MAF: variants seen among roughly 807,000 people sequenced by gnomAD.
MAF encodes MAF bZIP transcription factor, also known as transcription factor Maf.
A neutral mutation model predicts 22.0 loss-of-function variants in MAF; 10 were observed. That is an observed-to-expected ratio of 0.45 (90% CI 0.28 to 0.77). The LOEUF (loss-of-function observed/expected upper bound fraction) is 0.77. MAF is among the 30% of genes least tolerant of loss of function. The probability of loss-of-function intolerance (pLI) is 0.12; values close to 1 mark genes in which losing one functional copy is unlikely to be tolerated. For synonymous variants in MAF, 337 were observed against 255.8 expected (o/e 1.32, Z -3.03); for missense variants, 544 against 548.4 (o/e 0.99, Z 0.08).
rs1039515515 is a variant in MAF, at chr16:79,599,682, G to A, written c.221C>T (p.Ser74Leu). Residue 74 changes from serine (S) to leucine (L), a missense_variant, in exon 1 of 2, where the codon TCG (serine) becomes TTG (leucine). By Grantham distance (145) the Ser-to-Leu change is moderately radical. Around this residue, in one of 5 missense-constraint regions of MAF, gnomAD observed 342 missense variants for 315.5 expected, o/e 1.08. Coordinates refer to ENST00000326043, the MANE Select transcript of MAF (RefSeq NM_005360.5). Reference sequence around the variant, plus strand: ...GCTGCCCGAGCCCGGGCTGGGCGCCGAGAAGCTGGGGGAAGGGGGCACCGA... The same window carrying A: ...GCTGCCCGAGCCCGGGCTGGGCGCCAAGAAGCTGGGGGAAGGGGGCACCGA... ...CSSVPPSPSFSAPSPGSGSEQ... is the reference protein window; with the variant it reads ...CSSVPPSPSFLAPSPGSGSEQ... 1.2e-6 allele frequency: 2 copies of A among 1,612,210 alleles called. No individual in the cohort carries two copies. The highest frequency in any genetic ancestry group is 1.7e-6 in the Non-Finnish European group (2 of 1,179,646).
the MAF span, among the ~76,000 whole-genome samples, chr16:79,421,410 G>C: frequency 6.6e-6 from 1 of 152,268 alleles, no homozygotes; most frequent in South Asian, 2.1e-4. Context: ...GGCAACCGCT[G>C]ATCTTTTTAC....
chr16:79,538,838 G>A, the MAF span, among the ~76,000 whole-genome samples: 37 of 97,264 alleles, frequency 3.8e-4, no homozygotes, highest in African/African-American at 1.5e-3. Flanking sequence ...AAGAAAGAAG[G>A]AAAGAAAGAA....
At chr16:79,422,844 C>A in the MAF span, among the ~76,000 whole-genome samples, 1 of 152,078 alleles carries the variant, frequency 6.6e-6, no homozygotes, top group South Asian at 2.1e-4. Context: ...GAACACTCAG[C>A]ATATATGGAG....
the MAF span, among the ~76,000 whole-genome samples, chr16:79,243,207 G>C: frequency 0.02 from 3,100 of 152,010 alleles, 116 homozygotes; most frequent in African/African-American, 0.071. Flanking sequence ...GATGGGAGCA[G>C]AAGTGAAGGT....
the MAF span, among the ~76,000 whole-genome samples, chr16:79,254,563 C>G: frequency 6.6e-6 from 1 of 152,106 alleles, no homozygotes; most frequent in East Asian, 1.9e-4. Flanking sequence ...TGAGAAACAT[C>G]TTAGAGATAG....
chr16:79,437,933 C>T, the MAF span, among the ~76,000 whole-genome samples: 13 of 152,270 alleles, frequency 8.5e-5, no homozygotes, highest in Admixed American at 7.2e-4. Flanking sequence ...TCTGCAGGGG[C>T]TGCTGGCCTG....
the MAF span, among the ~76,000 whole-genome samples, chr16:79,280,635 C>T: frequency 6.6e-6 from 1 of 152,184 alleles, no homozygotes; most frequent in South Asian, 2.1e-4. Context: ...TTTCTTCTCT[C>T]TGGGGTGCTG....
chr16:79,227,631 CGTTTT>C, the MAF span, among the ~76,000 whole-genome samples: 2,557 of 151,968 alleles, frequency 0.017, 46 homozygotes, highest in South Asian at 0.036. Flanking sequence ...CCCCATTCTA[CGTTTT>C]GTTTTATTAC....
At chr16:79,598,519 G>C in intron 1 of MAF, 1 of 1,371,704 alleles carries the variant, frequency 7.3e-7, no homozygotes, top group South Asian at 1.5e-5. Context: ...CCATGAGCCA[G>C]ACACCCATTC....
chr16:79,461,957 A>G, the MAF span, among the ~76,000 whole-genome samples: 1 of 152,180 alleles, frequency 6.6e-6, no homozygotes, highest in Non-Finnish European at 1.5e-5. Context: ...GCAGAAGCCC[A>G]GTGTATTGCT....
the MAF span, among the ~76,000 whole-genome samples, chr16:79,332,402 G>A: frequency 6.6e-6 from 1 of 152,158 alleles, no homozygotes; most frequent in Non-Finnish European, 1.5e-5. Flanking sequence ...CTGGGTTCAA[G>A]CGATTCTCGT....
At chr16:79,581,530 G>C (rs878477), downstream of MAF, among the ~76,000 whole-genome samples, 12,066 of 152,288 alleles carry the variant, frequency 0.079, 536 homozygotes, top group Middle Eastern at 0.14. Flanking sequence ...CAATTTAAAG[G>C]AAGAGCGACC....
chr16:79,596,609 A>G, intron 1 of MAF: 1 of 1,040,774 alleles, frequency 9.6e-7, no homozygotes, highest in Non-Finnish European at 1.2e-6. Flanking sequence ...ACAATTTTGC[A>G]CAGCAAAATA....
the MAF span, among the ~76,000 whole-genome samples, chr16:79,441,390 G>T: frequency 6.6e-6 from 1 of 152,188 alleles, no homozygotes; most frequent in African/African-American, 2.4e-5. Flanking sequence ...TTCTATAAAG[G>T]CTCAGATAAT....
At chr16:79,588,618 C>T (rs1446607705) in intron 1 of MAF, among the ~76,000 whole-genome samples, 2 of 151,890 alleles carry the variant, frequency 1.3e-5, no homozygotes, top group African/African-American at 2.4e-5. Flanking sequence ...CGTGCCCCCA[C>T]GTCCTGCTAA....
the MAF span, among the ~76,000 whole-genome samples, chr16:79,408,094 A>AAAAC: frequency 3.3e-5 from 5 of 150,938 alleles, no homozygotes; most frequent in Non-Finnish European, 5.9e-5. Context: ...AAAAAAAAAA[A>AAAAC]AAAAAACCTA....
At chr16:79,439,344 C>G in the MAF span, among the ~76,000 whole-genome samples, 1 of 149,776 alleles carries the variant, frequency 6.7e-6, no homozygotes. Flanking sequence ...TCACTGCAAG[C>G]TCTGCCTCCC....
the MAF span, among the ~76,000 whole-genome samples, chr16:79,475,424 A>G: frequency 2.0e-5 from 3 of 151,594 alleles, no homozygotes; most frequent in Admixed American, 2.0e-4. Flanking sequence ...ATCCAGGTCT[A>G]TGTCCAGGAT....
chr16:79,485,868 T>C, the MAF span, among the ~76,000 whole-genome samples: 1 of 152,124 alleles, frequency 6.6e-6, no homozygotes, highest in Non-Finnish European at 1.5e-5. Context: ...ATGAATGAAT[T>C]AGCAAATTAG....
Sources: allele counts gnomAD v4.1 joint callset (sites outside exome capture counted in the v4.1 genomes callset), GRCh38; gene constraint gnomAD v4.1.1; regional missense constraint gnomAD v4.1.1; transcripts MANE v1.5; gene names NCBI Gene and HGNC (gene_info 2026-07-23, HGNC 2026-07-21).